Variants in TAFA1 observed in about 807,000 individuals in gnomAD.
TAFA1 encodes the protein TAFA chemokine like family member 1, also known as chemokine-like protein TAFA-1.
TAFA1 carries 4 observed loss-of-function variants against 18.5 expected under a neutral mutation model. The ratio of observed to expected loss-of-function variants is 0.22; its 90% CI spans 0.11 to 0.49. TAFA1 has a LOEUF of 0.49. Among genes scored for constraint, TAFA1 ranks in the 20% least tolerant of loss-of-function variants. The pLI is 0.98. For synonymous variants in TAFA1, 56 were observed against 55.2 expected, an observed-to-expected ratio of 1.01 and a Z score of -0.06; for missense variants, 147 against 169.0, an observed-to-expected ratio of 0.87 and a Z score of 0.72.
At chr3:68,324,522 G>A (rs908876547) in intron 2 of TAFA1, among the ~76,000 whole-genome samples, 4 of 152,188 alleles carry the variant, frequency 2.6e-5, no homozygotes, top group African/African-American at 9.7e-5. Context: ...GGTGTGTGGG[G>A]AAGGATTTGT....
intron 2 of TAFA1, among the ~76,000 whole-genome samples, chr3:68,376,195 G>A (rs1225356661): frequency 6.6e-6 from 1 of 151,900 alleles, no homozygotes; most frequent in Non-Finnish European, 1.5e-5. Flanking sequence ...CAGTGTTTAA[G>A]TGGTTCAGTG....
intron 2 of TAFA1, among the ~76,000 whole-genome samples, chr3:68,150,786 G>A (rs2065798006): frequency 6.6e-6 from 1 of 150,770 alleles, no homozygotes; most frequent in Non-Finnish European, 1.5e-5. Flanking sequence ...TTTCTTTTCA[G>A]AAAAAAAAAT....
upstream of TAFA1, among the ~76,000 whole-genome samples, chr3:68,001,202 A>C (rs1408071525): frequency 1.3e-5 from 2 of 152,234 alleles, no homozygotes; most frequent in East Asian, 1.9e-4. Context: ...TAAAGAATAA[A>C]GAAATGAGAA....
At chr3:68,351,440 T>C (rs1014763472) in intron 2 of TAFA1, among the ~76,000 whole-genome samples, 7 of 152,216 alleles carry the variant, frequency 4.6e-5, no homozygotes, top group Admixed American at 3.9e-4. Flanking sequence ...GAGGGGTTTT[T>C]CTTCAACCCC....
chr3:68,318,523 G>A lies in TAFA1; in HGVS notation c.119-98757G>A, dbSNP rs190251872. The stretch of plus-strand genomic sequence containing the variant: ...AAACCCACAGAAATGACAAAGCTTA[G>A]GTTGCACTGCAGTGCATTCCTACAG... On this transcript the variant is annotated intron_variant, in intron 2 of 4. Coordinates refer to ENST00000478136, the MANE Select transcript of TAFA1 (RefSeq NM_213609.4). Among the ~76,000 whole-genome samples the A allele has an allele frequency of 4.6e-5, 7 of 152,276 alleles. No homozygotes were observed. In the East Asian group the frequency reaches 1.3e-3, roughly 29 times the overall value.
intron 3 of TAFA1, among the ~76,000 whole-genome samples, chr3:68,446,628 A>G (rs2071477565): frequency 6.6e-6 from 1 of 152,180 alleles, no homozygotes; most frequent in Admixed American, 6.6e-5. Flanking sequence ...ACTTATGTCT[A>G]AAAAGAATCA....
intron 3 of TAFA1, among the ~76,000 whole-genome samples, chr3:68,487,855 T>C (rs950670076): frequency 6.6e-6 from 1 of 151,036 alleles, no homozygotes; most frequent in African/African-American, 2.4e-5. Flanking sequence ...TTCATCATAT[T>C]GAAACATTTA....
At chr3:67,998,193 G>A in the TAFA1 span, among the ~76,000 whole-genome samples, 1 of 152,064 alleles carries the variant, frequency 6.6e-6, no homozygotes, top group African/African-American at 2.4e-5. Flanking sequence ...GGTTATAGAT[G>A]ACTTTTAAAA....
chr3:68,096,295 A>C (rs1038646518), intron 2 of TAFA1, among the ~76,000 whole-genome samples: 1 of 152,106 alleles, frequency 6.6e-6, no homozygotes, highest in African/African-American at 2.4e-5. Flanking sequence ...ATTCCATTGT[A>C]CATATGTACC....
chr3:68,302,312 T>C (rs2068319227), intron 2 of TAFA1, among the ~76,000 whole-genome samples: 1 of 152,162 alleles, frequency 6.6e-6, no homozygotes. Context: ...CAGTGACTAT[T>C]TACTGACCAT....
At chr3:68,081,465 T>C (rs2064899254) in intron 2 of TAFA1, among the ~76,000 whole-genome samples, 1 of 151,754 alleles carries the variant, frequency 6.6e-6, no homozygotes, top group Non-Finnish European at 1.5e-5. Flanking sequence ...TGGTCTTTGA[T>C]GATGGTGATG....
At chr3:68,221,192 T>G (rs1363971120) in intron 2 of TAFA1, among the ~76,000 whole-genome samples, 1 of 152,192 alleles carries the variant, frequency 6.6e-6, no homozygotes, top group African/African-American at 2.4e-5. Context: ...TACTCTTTTG[T>G]GGACTTCAGT....
chr3:68,445,804 C>T (rs1316946113), intron 3 of TAFA1, among the ~76,000 whole-genome samples: 1 of 152,170 alleles, frequency 6.6e-6, no homozygotes, highest in Non-Finnish European at 1.5e-5. Flanking sequence ...TACTTGAGAA[C>T]ACATTCTGAG....
chr3:68,216,118 A>T (rs995752983), intron 2 of TAFA1, among the ~76,000 whole-genome samples: 2 of 152,064 alleles, frequency 1.3e-5, no homozygotes, highest in Non-Finnish European at 2.9e-5. Flanking sequence ...GCAAAACTTC[A>T]GAGAAAGTAA....
rs2071246236 is a variant in TAFA1, at chr3:68,435,038, T to C, written c.259+17618T>C. On this transcript the variant is annotated intron_variant, in intron 3 of 4. Transcript: ENST00000478136. ...GACAGGCAAATTGGTGATTGCAAAG[T>C]TGTGTGATGTGTGCTCTGATGGAGA... is the stretch of plus-strand genomic sequence containing the variant. Among the ~76,000 whole-genome samples the C allele has an allele frequency of 1.3e-5, 2 of 152,040 alleles. 1 individual carries two copies. Among genetic ancestry groups the C allele is most frequent in the South Asian group, 4.2e-4 (2 of 4,818 alleles).
chr3:68,329,089 GTT>G (rs774883725), intron 2 of TAFA1, among the ~76,000 whole-genome samples: 3 of 120,508 alleles, frequency 2.5e-5, no homozygotes, highest in Non-Finnish European at 3.6e-5. Context: ...CCACTTTTTT[GTT>G]TTTTTTTTTT....
At chr3:68,170,044 G>A (rs2066033302) in intron 2 of TAFA1, among the ~76,000 whole-genome samples, 1 of 152,264 alleles carries the variant, frequency 6.6e-6, no homozygotes, top group South Asian at 2.1e-4. Context: ...TAGAGCTCTG[G>A]AAATTAACTA....
chr3:68,486,572 A>T (rs1439051858), intron 3 of TAFA1, among the ~76,000 whole-genome samples: 1 of 152,192 alleles, frequency 6.6e-6, no homozygotes, highest in Non-Finnish European at 1.5e-5. Context: ...CTGTTTCCTC[A>T]TATATAAAAT....
intron 2 of TAFA1, among the ~76,000 whole-genome samples, chr3:68,371,404 G>C (rs1439632735): frequency 6.6e-6 from 1 of 151,988 alleles, no homozygotes; most frequent in Non-Finnish European, 1.5e-5. Context: ...GGGCCCCAGT[G>C]TGTGATGTTC....
Sources: gnomAD v4.1 joint callset for allele counts (sites outside exome capture counted in the v4.1 genomes callset) on GRCh38, gnomAD v4.1.1 for gene constraint, MANE v1.5 for transcripts, NCBI Gene and HGNC (gene_info 2026-07-23, HGNC 2026-07-21) for gene names.